Variants in RBFOX2 observed in about 807,000 individuals in gnomAD.
The protein encoded by RBFOX2 is RNA binding fox-1 homolog 2.
Under a neutral mutation model 49.1 loss-of-function variants are expected in RBFOX2, and 10 were observed. That is an observed-to-expected ratio of 0.20 (90% CI 0.13 to 0.35). The LOEUF (loss-of-function observed/expected upper bound fraction) is 0.35. RBFOX2 is among the 10% of genes least tolerant of loss of function. RBFOX2 has a pLI of 1.00. For missense variants in RBFOX2, 323 were observed against 486.9 expected, an observed-to-expected ratio of 0.66 and a Z score of 3.17; for synonymous variants, 183 against 187.4, an observed-to-expected ratio of 0.98 and a Z score of 0.19.
chr22:35,935,518 G>A (rs979423230), intron 1 of RBFOX2, among the ~76,000 whole-genome samples: 3 of 152,296 alleles, frequency 2.0e-5, no homozygotes, highest in African/African-American at 7.2e-5. Flanking sequence ...TATTGGGACT[G>A]TATATAACAT....
chr22:35,805,605 C>G (rs1356563064), intron 2 of RBFOX2, among the ~76,000 whole-genome samples: 3 of 152,070 alleles, frequency 2.0e-5, no homozygotes, highest in Non-Finnish European at 1.5e-5. Flanking sequence ...ATCATATGAT[C>G]CAGCAATCAT....
intron 2 of RBFOX2, among the ~76,000 whole-genome samples, chr22:35,792,898 C>G (rs1429518022): frequency 1.3e-5 from 2 of 152,204 alleles, no homozygotes; most frequent in Non-Finnish European, 2.9e-5. Context: ...CATGTTAGAA[C>G]ATCAACCAGA....
intron 2 of RBFOX2, among the ~76,000 whole-genome samples, chr22:35,792,289 C>T (rs1947848416): frequency 7.4e-6 from 1 of 134,860 alleles, no homozygotes; most frequent in South Asian, 2.3e-4. Context: ...GCAGTCCAGC[C>T]TGGGTGACAG....
chr22:35,873,585 C>T (rs1001582559), intron 1 of RBFOX2, among the ~76,000 whole-genome samples: 1 of 152,210 alleles, frequency 6.6e-6, no homozygotes, highest in African/African-American at 2.4e-5. Context: ...TCAACACAGT[C>T]TCCCATGCAT....
chr22:35,920,871 T>C (rs779235225), intron 1 of RBFOX2, among the ~76,000 whole-genome samples: 1 of 152,198 alleles, frequency 6.6e-6, no homozygotes, highest in South Asian at 2.1e-4. Flanking sequence ...TGTGTATATA[T>C]GCAAACAGAG....
chr22:35,795,691 G>A (rs1310058040), intron 2 of RBFOX2, among the ~76,000 whole-genome samples: 1 of 149,432 alleles, frequency 6.7e-6, no homozygotes, highest in Non-Finnish European at 1.5e-5. Context: ...GCTTTCCAGT[G>A]AGGAGGGTTA....
At chr22:35,936,357 C>T (rs1175279352) in intron 1 of RBFOX2, among the ~76,000 whole-genome samples, 1 of 151,878 alleles carries the variant, frequency 6.6e-6, no homozygotes, top group Non-Finnish European at 1.5e-5. Context: ...GTAAAGATCA[C>T]AAGTTCCATT....
chr22:35,882,036 A>T (rs1177046050), intron 1 of RBFOX2, among the ~76,000 whole-genome samples: 1 of 152,140 alleles, frequency 6.6e-6, no homozygotes, highest in East Asian at 1.9e-4. Context: ...AATATATGTT[A>T]AAGGAAAAAA....
chr22:35,829,606 A>T (rs1205853325), intron 1 of RBFOX2, among the ~76,000 whole-genome samples: 1 of 152,142 alleles, frequency 6.6e-6, no homozygotes, highest in Non-Finnish European at 1.5e-5. Flanking sequence ...AAGAATAGTG[A>T]GCCTTGAAAA....
intron 2 of RBFOX2, among the ~76,000 whole-genome samples, chr22:35,795,565 A>C (rs1948633493): frequency 6.8e-6 from 1 of 147,412 alleles, no homozygotes; most frequent in Non-Finnish European, 1.5e-5. Flanking sequence ...GGCAATACCA[A>C]TTGATAATAG....
chr22:35,966,378 A>T (rs2056559865), upstream of RBFOX2, among the ~76,000 whole-genome samples: 1 of 152,186 alleles, frequency 6.6e-6, no homozygotes, highest in Non-Finnish European at 1.5e-5. Context: ...GTTATAGGGT[A>T]CACTTACGTT....
chr22:35,918,488 T>C (rs867694883), intron 1 of RBFOX2, among the ~76,000 whole-genome samples: 15 of 152,328 alleles, frequency 9.8e-5, no homozygotes, highest in Middle Eastern at 6.8e-3. Flanking sequence ...ATGGTTGCTA[T>C]TTCTGCTTAA....
intron 11 of RBFOX2, among the ~76,000 whole-genome samples, chr22:35,744,970 G>C (rs1403334456): frequency 6.6e-6 from 1 of 152,110 alleles, no homozygotes; most frequent in Non-Finnish European, 1.5e-5. Context: ...ATTTTAGGAC[G>C]AAATACAACC....
At chr22:35,999,938 T>C (rs2058340929) in intron 1 of RBFOX2, 1 of 150,614 alleles carries the variant, frequency 6.6e-6, no homozygotes, top group African/African-American at 2.4e-5. Flanking sequence ...CAGGAATGCA[T>C]CATTAGCTTT....
intron 1 of RBFOX2, among the ~76,000 whole-genome samples, chr22:36,007,675 T>C (rs1333508803): frequency 1.3e-5 from 2 of 152,200 alleles, no homozygotes; most frequent in African/African-American, 4.8e-5. Context: ...TGTCTCTCAA[T>C]GCTCCTCCGA....
At chr22:35,945,864 T>G (rs1569505781) in intron 1 of RBFOX2, among the ~76,000 whole-genome samples, 2 of 152,134 alleles carry the variant, frequency 1.3e-5, no homozygotes, top group Admixed American at 6.5e-5. Context: ...AACAACATGG[T>G]CCCAACATGA....
intron 1 of RBFOX2, among the ~76,000 whole-genome samples, chr22:36,003,993 G>C (rs569987884): frequency 7.9e-5 from 12 of 152,292 alleles, no homozygotes; most frequent in Admixed American, 2.6e-4. Context: ...GGATGTTAAA[G>C]TAACATCTCT....
At chr22:36,013,222 A>G (rs916163886) in intron 1 of RBFOX2, among the ~76,000 whole-genome samples, 2 of 152,048 alleles carry the variant, frequency 1.3e-5, no homozygotes. Context: ...GCAGTGAGCT[A>G]TGATTTCGCC....
chr22:35,961,418 T>A (rs1037841937), intron 1 of RBFOX2: 14 of 828,952 alleles, frequency 1.7e-5, no homozygotes, highest in African/African-American at 5.4e-5. Flanking sequence ...GATTTTTTTT[T>A]AAATCAGGCA....
Sources: allele counts gnomAD v4.1 joint callset (sites outside exome capture counted in the v4.1 genomes callset), GRCh38; gene constraint gnomAD v4.1.1; transcripts MANE v1.5; gene names NCBI Gene and HGNC (gene_info 2026-07-23, HGNC 2026-07-21).